JPH3: variants seen among roughly 807,000 people sequenced by gnomAD.
The protein encoded by JPH3 is junctophilin-3.
JPH3 carries 11 observed loss-of-function variants against 59.6 expected under a neutral mutation model. The ratio of observed to expected loss-of-function variants is 0.18; its 90% confidence interval spans 0.12 to 0.31. The LOEUF (loss-of-function observed/expected upper bound fraction) is 0.31. Ranked by LOEUF, JPH3 falls within the 10% of genes least tolerant of loss-of-function variation. The pLI is 1.00. For missense variants in JPH3, 1,202 were observed against 1,105.7 expected (o/e 1.09, Z -1.24); for synonymous variants, 673 against 483.6 (o/e 1.39, Z -5.14).
chr16:87,652,309 C>G (rs980020665), intron 2 of JPH3, among the ~76,000 whole-genome samples: 3 of 152,212 alleles, frequency 2.0e-5, no homozygotes, highest in Non-Finnish European at 4.4e-5. Flanking sequence ...TCGGCACTCA[C>G]CACGCTGATC....
At chr16:87,655,908 C>T (rs958158524) in intron 2 of JPH3, among the ~76,000 whole-genome samples, 1 of 152,238 alleles carries the variant, frequency 6.6e-6, no homozygotes, top group African/African-American at 2.4e-5. Context: ...ACTTGCCACT[C>T]TGCTGCTGTC....
At chr16:87,640,043 C>A (rs1434785928) in intron 1 of JPH3, among the ~76,000 whole-genome samples, 12 of 152,200 alleles carry the variant, frequency 7.9e-5, no homozygotes. Flanking sequence ...AGCCCACCTT[C>A]CTGGAGTTCC....
At chr16:87,633,481 C>CAAAA (rs201116071) in intron 1 of JPH3, among the ~76,000 whole-genome samples, 6 of 145,872 alleles carry the variant, frequency 4.1e-5, no homozygotes, top group African/African-American at 1.6e-4. Flanking sequence ...CTAAGATTAA[C>CAAAA]CAAAAAAAAA....
At chr16:87,683,903 G>A in intron 2 of JPH3, 3 of 518,424 alleles carry the variant, frequency 5.8e-6, no homozygotes, top group Non-Finnish European at 1.0e-5. Context: ...ACCATGCCCT[G>A]CCCAGAGGTG....
At chr16:87,619,489 C>G (rs986182849) in intron 1 of JPH3, among the ~76,000 whole-genome samples, 6 of 152,178 alleles carry the variant, frequency 3.9e-5, no homozygotes, top group Non-Finnish European at 5.9e-5. Context: ...GGGTGTCTGT[C>G]TCTTGGCTCC....
At chr16:87,687,678 G>A (rs965815443) in intron 3 of JPH3, among the ~76,000 whole-genome samples, 1 of 152,224 alleles carries the variant, frequency 6.6e-6, no homozygotes, top group Non-Finnish European at 1.5e-5. Flanking sequence ...TCCTCACCAC[G>A]AGGCTTCTAG....
chr16:87,626,901 G>T (rs1261060450), intron 1 of JPH3, among the ~76,000 whole-genome samples: 2 of 152,234 alleles, frequency 1.3e-5, no homozygotes, highest in Admixed American at 6.5e-5. Flanking sequence ...GCACTTTGGG[G>T]AGGGCAAGGT....
At chr16:87,657,029 C>T (rs1340989465) in intron 2 of JPH3, among the ~76,000 whole-genome samples, 1 of 152,126 alleles carries the variant, frequency 6.6e-6, no homozygotes. Flanking sequence ...CCTTAATTAC[C>T]TCCTTAAAGG....
At chr16:87,661,925 C>T (rs370869841) in intron 2 of JPH3, among the ~76,000 whole-genome samples, 8 of 152,336 alleles carry the variant, frequency 5.3e-5, no homozygotes, top group South Asian at 2.1e-4. Context: ...CTGAGGGGCA[C>T]GTACGCCACC....
chr16:87,666,124 C>T (rs2150863101), intron 2 of JPH3, among the ~76,000 whole-genome samples: 1 of 150,236 alleles, frequency 6.7e-6, no homozygotes, highest in South Asian at 2.1e-4. Context: ...GAGTTTCGCT[C>T]ATTGCCCAGG....
At chr16:87,606,009 G>C (rs533323114) in intron 1 of JPH3, among the ~76,000 whole-genome samples, 2 of 152,334 alleles carry the variant, frequency 1.3e-5, no homozygotes, top group African/African-American at 4.8e-5. Flanking sequence ...TGGACATCTG[G>C]GCCACTTTTC....
chr16:87,675,608 C>A (rs1426716572), intron 2 of JPH3, among the ~76,000 whole-genome samples: 1 of 152,220 alleles, frequency 6.6e-6, no homozygotes, highest in Non-Finnish European at 1.5e-5. Context: ...TTTCCACACT[C>A]CCCCTCTGGC....
chr16:87,656,478 G>A (rs77558072), intron 2 of JPH3, among the ~76,000 whole-genome samples: 3,077 of 152,300 alleles, frequency 0.02, 96 homozygotes, highest in African/African-American at 0.07. Flanking sequence ...TGTCTGCAAC[G>A]ACGGGATCAG....
intron 2 of JPH3, among the ~76,000 whole-genome samples, chr16:87,678,824 C>T (rs1331737944): frequency 6.6e-6 from 1 of 152,200 alleles, no homozygotes; most frequent in Non-Finnish European, 1.5e-5. Context: ...GGCCGAGAGG[C>T]GGGAGTAAGG....
intron 2 of JPH3, among the ~76,000 whole-genome samples, chr16:87,646,065 C>T (rs1316827696): frequency 2.6e-5 from 4 of 152,178 alleles, no homozygotes; most frequent in Non-Finnish European, 5.9e-5. Context: ...AGTCCATGGG[C>T]TGCCCAGGCA....
chr16:87,649,149 G>A (rs1254195512), intron 2 of JPH3, among the ~76,000 whole-genome samples: 1 of 152,158 alleles, frequency 6.6e-6, no homozygotes, highest in African/African-American at 2.4e-5. Context: ...GGAGCCAGTG[G>A]CCCCGCGGAG....
rs570766146 is a variant in JPH3 at position 87,670,162 on chromosome 16, G to A, written c.1161-13980G>A. Among the ~76,000 whole-genome samples, 659 of 152,292 alleles carry A rather than the reference G, an allele frequency of 4.3e-3. 10 individuals carry two copies. The highest frequency in any genetic ancestry group is 0.015 in the African/African-American group (635 of 41,552). ...CAGAGGGTGAGGCGGGGTCTGCACC[G>A]GCCGATGTGGGCAACTGTTGCACCC... On this transcript the variant is annotated intron_variant, in intron 2 of 4. Transcript: ENST00000284262.
intron 1 of JPH3, among the ~76,000 whole-genome samples, chr16:87,637,594 G>C (rs1181102892): frequency 6.6e-6 from 1 of 152,112 alleles, no homozygotes; most frequent in Non-Finnish European, 1.5e-5. Context: ...TAAAGACAAA[G>C]CTGGGTGAGA....
At position 87,695,956 on chromosome 16, in the gene JPH3, G is replaced by C. The variant is rs1394846638; in HGVS notation, c.2167-624G>C. On this transcript the variant is annotated intron_variant, in intron 4 of 4. Transcript: ENST00000284262. ...ACTTGTGAGCCACTTCAGGGAGGTG[G>C]TGGCAGCAGCATTCAGGACCATAAC... 3 of 456,078 alleles carry C rather than the reference G, an allele frequency of 6.6e-6. No individual in the cohort carries two copies. The East Asian group carries it at 2.1e-4, about 32-fold the overall frequency. 28.3% of individuals were successfully genotyped at this position (456,078 alleles called of 1,614,324 possible). A position where few individuals can be genotyped will look rare whatever the true frequency, so the allele number is the denominator to read the frequency against.
Sources: gnomAD v4.1 joint callset for allele counts (sites outside exome capture counted in the v4.1 genomes callset) on GRCh38, gnomAD v4.1.1 for gene constraint, MANE v1.5 for transcripts, NCBI Gene and HGNC (gene_info 2026-07-23, HGNC 2026-07-21) for gene names.